KIFC1: variants seen among roughly 807,000 people sequenced by gnomAD.
KIFC1 encodes kinesin family member C1, also known as kinesin-like protein KIFC1.
KIFC1 carries 37 observed loss-of-function variants against 66.6 expected under a neutral mutation model. That is an observed-to-expected ratio of 0.56 (90% CI 0.43 to 0.73). The LOEUF is 0.73. KIFC1 is among the 30% of genes least tolerant of loss of function. The probability of loss-of-function intolerance (pLI) is 0.00; values close to 1 mark genes in which losing one functional copy is unlikely to be tolerated. For synonymous variants in KIFC1, 325 were observed against 343.5 expected, an observed-to-expected ratio of 0.95 and a Z score of 0.60; for missense variants, 721 against 859.8, an observed-to-expected ratio of 0.84 and a Z score of 2.02.
chr6:33,396,683 T>A (rs753807045), intron 1 of KIFC1, among the ~76,000 whole-genome samples: 1 of 151,458 alleles, frequency 6.6e-6, no homozygotes, highest in African/African-American at 2.4e-5. Flanking sequence ...AGAATTAATT[T>A]CTTTTTTTTT....
At chr6:33,392,684 G>T (rs1774849366) in intron 1 of KIFC1, among the ~76,000 whole-genome samples, 1 of 19,920 alleles carries the variant, frequency 5.0e-5, no homozygotes, top group Non-Finnish European at 7.5e-5. Context: ...TGCCAGGAAA[G>T]GTCTGCCTGA....
intron 10 of KIFC1, among the ~76,000 whole-genome samples, chr6:33,408,621 T>C (rs373582363): frequency 6.6e-6 from 1 of 152,258 alleles, no homozygotes; most frequent in Non-Finnish European, 1.5e-5. Flanking sequence ...AGATAAATGC[T>C]GAATTATTTA....
In KIFC1 at chr6:33,406,552, T is replaced by A. The variant is rs780639045; in HGVS notation, c.1828-40T>A. 9.9e-6 allele frequency: 16 copies of A among 1,613,526 alleles called. No individual in the cohort carries two copies. In the Admixed American group the frequency reaches 2.5e-4, roughly 25 times the overall value. On this transcript the variant is annotated intron_variant, in intron 8 of 10. Coordinates refer to ENST00000428849, the MANE Select transcript of KIFC1 (RefSeq NM_002263.4). This position sits in a 1 kb window ranked among gnomAD's most constrained non-coding sequence, Gnocchi z 4.5. ...AGTTGGGGTTGGCTGTGCAGAACCC[T>A]GCCTATTCCTAAACATCTGTCCCCA...
rs752381389 is a variant in KIFC1, at chr6:33,403,525, G to T, written c.345G>T (p.Gln115His). The change falls in exon 5 of 11, where the codon CAG becomes CAT. Residue 115 changes from glutamine (Q) to histidine (H), a missense_variant. Transcript: ENST00000428849. The surrounding 1 kb of genome is among the most constrained non-coding windows in gnomAD (Gnocchi z 4.6). The stretch of plus-strand genomic sequence containing the variant: ...AGCCAGTTCCTGCTGTTCCTGTCCA[G>T]AAGTCTGGCAGTAAGTGACAAACAT... ...NQKPVPAVPV[Q>H]KSGTSGVPPM... The T allele has an allele frequency of 2.5e-5, 40 of 1,614,082 alleles. No homozygotes were observed. Among genetic ancestry groups the T allele is most frequent in the Non-Finnish European group, 3.0e-5 (35 of 1,180,006 alleles).
chr6:33,408,766 T>C (rs1775764054), intron 10 of KIFC1, among the ~76,000 whole-genome samples: 1 of 152,222 alleles, frequency 6.6e-6, no homozygotes, highest in Non-Finnish European at 1.5e-5. Flanking sequence ...ATTCAGTGGC[T>C]CAATCATAGC....
intron 1 of KIFC1, among the ~76,000 whole-genome samples, chr6:33,395,490 G>A (rs1176660627): frequency 6.6e-6 from 1 of 152,054 alleles, no homozygotes; most frequent in Non-Finnish European, 1.5e-5. Context: ...CTCTGATCTT[G>A]TGGTGAGGTG....
rs377022862 is a variant in KIFC1, at chr6:33,403,745, C to T, written c.372C>T (p.Pro124=). 73 of 1,612,790 alleles carry T rather than the reference C, an allele frequency of 4.5e-5. No homozygotes were observed. In the African/African-American group the frequency reaches 8.8e-4, roughly 19 times the overall value. ...VQKSGTSGVP[P]MAGGKKPSKR... is the part of the protein sequence containing the mutation. ...TCATCTTAGCATCAGGTGTTCCTCC[C>T]ATGGCAGGAGGGAAGAAACCCAGCA... Residue 124 remains proline, a synonymous_variant, in exon 6 of 11, where the codon CCC becomes CCT. Coordinates refer to ENST00000428849, the MANE Select transcript of KIFC1 (RefSeq NM_002263.4). The surrounding 1 kb of genome is among the most constrained non-coding windows in gnomAD (Gnocchi z 4.6).
chr6:33,403,363 C>T lies in KIFC1; in HGVS notation c.300C>T (p.Ala100=). 2 of 1,613,972 alleles carry T rather than the reference C, an allele frequency of 1.2e-6. No individual in the cohort carries two copies. Among genetic ancestry groups the T allele is most frequent in the African/African-American group, 1.3e-5 (1 of 75,032 alleles). ...GACCCCGGTGTTCCACAGCTATTGC[C>T]ACAGGTAACTGTGCTCAAGAGCTGG... ...KTGPRCSTAI[A]TGLKNQKPVP... Residue 100 remains alanine (A), a synonymous_variant, in exon 4 of 11, where the codon GCC becomes GCT. Coordinates refer to ENST00000428849, the MANE Select transcript of KIFC1 (RefSeq NM_002263.4). This position sits in a 1 kb window ranked among gnomAD's most constrained non-coding sequence, Gnocchi z 4.6.
chr6:33,391,959 C>T lies in KIFC1; in HGVS notation c.-27C>T. 1.2e-6 allele frequency: 2 copies of T among 1,613,918 alleles called. No individual in the cohort carries two copies. The highest frequency in any genetic ancestry group is 8.5e-7 in the Non-Finnish European group (1 of 1,179,930). ...ACCCAGTTCTCTTCCACTGCATTCC[C>T]CCGGCGCGTGTGGGACCGAGGTGGA... On this transcript the variant is annotated 5_prime_UTR_variant, in exon 1 of 11. Coordinates refer to ENST00000428849, the MANE Select transcript of KIFC1 (RefSeq NM_002263.4).
upstream of KIFC1, chr6:33,391,684 C>A (rs1157392296): frequency 2.1e-5 from 12 of 577,306 alleles, no homozygotes; most frequent in Non-Finnish European, 3.4e-5. Context: ...CCTGCGCCTG[C>A]GAAACAGAAA....
At chr6:33,407,807 G>T (rs1163493399) in intron 10 of KIFC1, among the ~76,000 whole-genome samples, 1 of 152,196 alleles carries the variant, frequency 6.6e-6, no homozygotes, top group Non-Finnish European at 1.5e-5. Flanking sequence ...TGTTAAGCAA[G>T]TCAGAAAGTT....
chr6:33,393,417 A>G (rs939080234), intron 1 of KIFC1, among the ~76,000 whole-genome samples: 1 of 148,592 alleles, frequency 6.7e-6, no homozygotes, highest in Non-Finnish European at 1.5e-5. Context: ...AGATTTTCGT[A>G]ACCATAGCAC....
chr6:33,402,033 G>A (rs943323070), intron 3 of KIFC1, among the ~76,000 whole-genome samples: 12 of 152,070 alleles, frequency 7.9e-5, no homozygotes, highest in African/African-American at 2.7e-4. Context: ...ACATGCCTGA[G>A]GCTGTTTTAT....
At position 33,398,316 on chromosome 6, in the gene KIFC1, C is replaced by T. The variant is rs777887703; in HGVS notation, c.179C>T (p.Thr60Ile). 1 of 1,614,062 alleles carries T rather than the reference C, an allele frequency of 6.2e-7. No homozygotes were observed. The highest frequency in any genetic ancestry group is 1.1e-5 in the South Asian group (1 of 91,080). The change falls in exon 3 of 11, where the codon ACC becomes ATC. Residue 60 changes from threonine (T) to isoleucine (I), a missense_variant. Physicochemically the swap from Thr to Ile is moderately conservative, Grantham distance 89 (BLOSUM62 -1). Transcript: ENST00000428849. ...KKRTRGLGAT[T>I]KITTSHPRVP... ...CGGACAAGAGGCCTGGGTGCAACGA[C>T]CAAAATTACCACATCCCACCCAAGA...
In KIFC1 at chr6:33,403,709, C is replaced by T; in HGVS notation, c.356-20C>T. 6.2e-7 allele frequency: 1 copy of T among 1,606,812 alleles called. No individual in the cohort carries two copies. Among genetic ancestry groups the T allele is most frequent in the South Asian group, 1.1e-5 (1 of 90,086 alleles). ...GAGCCTAGACTTCACTGACCTTTGT[C>T]CTTTCTGTGTTCATCTTAGCATCAG... On this transcript the variant is annotated intron_variant, in intron 5 of 10. Coordinates refer to ENST00000428849, the MANE Select transcript of KIFC1 (RefSeq NM_002263.4). The surrounding 1 kb of genome is among the most constrained non-coding windows in gnomAD (Gnocchi z 4.6).
chr6:33,406,147 A>G lies in KIFC1; in HGVS notation c.1537-49A>G, dbSNP rs752537198. ...CTTATTCATTTCCATACATATTACT[A>G]TGTACTGACTTCTGCCTGCCTTTTT... On this transcript the variant is annotated intron_variant, in intron 7 of 10. Coordinates refer to ENST00000428849, the MANE Select transcript of KIFC1 (RefSeq NM_002263.4). The surrounding 1 kb of genome is among the most constrained non-coding windows in gnomAD (Gnocchi z 4.5). 2 of 1,524,620 alleles carry G rather than the reference A, an allele frequency of 1.3e-6. No homozygotes were observed. The highest frequency in any genetic ancestry group is 1.9e-5 in the Admixed American group (1 of 52,318). 94.4% of individuals were successfully genotyped at this position (1,524,620 alleles called of 1,614,324 possible). A position where few individuals can be genotyped will look rare whatever the true frequency, so the allele number is the denominator to read the frequency against.
chr6:33,406,450 C>T lies in KIFC1; in HGVS notation c.1791C>T (p.Ser597=). 6.3e-7 allele frequency: 1 copy of T among 1,598,114 alleles called. No homozygotes were observed. The change falls in exon 8 of 11, where the codon TCC becomes TCT. Residue 597 remains serine, a synonymous_variant. Coordinates refer to ENST00000428849, the MANE Select transcript of KIFC1 (RefSeq NM_002263.4). The surrounding 1 kb of genome is among the most constrained non-coding windows in gnomAD (Gnocchi z 4.5). ...RETQAINSSL[S]TLGLVIMALS... Reference sequence around the variant, plus strand: ...CACAGGCCATTAACAGCAGCCTGTCCACGCTGGGGCTGGTTATCATGGCCC... The same window carrying T: ...CACAGGCCATTAACAGCAGCCTGTCTACGCTGGGGCTGGTTATCATGGCCC...
chr6:33,402,276 T>C (rs115292764), intron 3 of KIFC1, among the ~76,000 whole-genome samples: 1 of 152,338 alleles, frequency 6.6e-6, no homozygotes, highest in Non-Finnish European at 1.5e-5. Flanking sequence ...ATAATGTCAC[T>C]AGGCAATAGG....
Position 33,391,905 on chromosome 6 carries a change from G to A in KIFC1, c.-81G>A. The A allele has an allele frequency of 4.5e-6, 7 of 1,556,336 alleles. No homozygotes were observed. The highest frequency in any genetic ancestry group is 5.3e-6 in the Non-Finnish European group (6 of 1,129,268). On this transcript the variant is annotated 5_prime_UTR_variant, in exon 1 of 11. Transcript: ENST00000428849. ...TCTCTACCCTGCTTCGCGAGCGGGC[G>A]AGAGAACGCGAGTCCCAGGATCCCC...
Sources: allele counts gnomAD v4.1 joint callset (sites outside exome capture counted in the v4.1 genomes callset), GRCh38; gene constraint gnomAD v4.1.1; non-coding constraint Gnocchi (gnomAD v3.1); transcripts MANE v1.5; gene names NCBI Gene and HGNC (gene_info 2026-07-23, HGNC 2026-07-21).